CDH12: variants seen among roughly 807,000 people sequenced by gnomAD.
CDH12 encodes cadherin 12, also known as cadherin-12.
A neutral mutation model predicts 74.1 loss-of-function variants in CDH12; 41 were observed. That is an observed-to-expected ratio of 0.55 (90% CI 0.43 to 0.72). CDH12 has a LOEUF of 0.72. Ranked by LOEUF, CDH12 falls within the 30% of genes least tolerant of loss-of-function variation. CDH12 has a pLI of 0.00. For synonymous variants in CDH12, 399 were observed against 355.0 expected, an observed-to-expected ratio of 1.12 and a Z score of -1.39; for missense variants, 945 against 977.2, an observed-to-expected ratio of 0.97 and a Z score of 0.44.
chr5:22,034,142 C>A (rs1449054010), intron 5 of CDH12, among the ~76,000 whole-genome samples: 1 of 152,092 alleles, frequency 6.6e-6, no homozygotes, highest in Non-Finnish European at 1.5e-5. Context: ...CTTCTGGATT[C>A]TCCTGCCTCA....
chr5:22,352,754 C>T (rs1260216527), intron 3 of CDH12, among the ~76,000 whole-genome samples: 1 of 152,124 alleles, frequency 6.6e-6, no homozygotes, highest in African/African-American at 2.4e-5. Flanking sequence ...ATCTGCAGAA[C>T]AATGCGAAAC....
intron 5 of CDH12, among the ~76,000 whole-genome samples, chr5:22,026,825 T>C (rs1738392004): frequency 6.6e-6 from 1 of 152,174 alleles, no homozygotes; most frequent in African/African-American, 2.4e-5. Context: ...GGTCTCACTT[T>C]CAAATTCTTT....
At chr5:22,813,951 A>C (rs2126456246) in intron 1 of CDH12, among the ~76,000 whole-genome samples, 1 of 152,220 alleles carries the variant, frequency 6.6e-6, no homozygotes, top group African/African-American at 2.4e-5. Context: ...ATAACTTTGT[A>C]TTTTTTTAAC....
intron 3 of CDH12, among the ~76,000 whole-genome samples, chr5:22,216,114 G>A (rs1751795059): frequency 6.6e-6 from 1 of 152,006 alleles, no homozygotes; most frequent in African/African-American, 2.4e-5. Flanking sequence ...TCCCCACTAT[G>A]TCGAACAAAT....
chr5:22,767,308 A>G (rs1746567761), intron 1 of CDH12, among the ~76,000 whole-genome samples: 1 of 152,046 alleles, frequency 6.6e-6, no homozygotes, highest in African/African-American at 2.4e-5. Flanking sequence ...ATGTTCTTTA[A>G]TTGGATATAA....
chr5:22,643,767 A>T (rs1580845771), intron 1 of CDH12, among the ~76,000 whole-genome samples: 1 of 108,870 alleles, frequency 9.2e-6, no homozygotes, highest in Non-Finnish European at 1.8e-5. Flanking sequence ...TTTTCCACAA[A>T]TTGATGGTTT....
At chr5:22,452,974 T>C (rs1313658064) in intron 2 of CDH12, among the ~76,000 whole-genome samples, 1 of 146,848 alleles carries the variant, frequency 6.8e-6, no homozygotes, top group East Asian at 2.0e-4. Context: ...CCAAAAGGTA[T>C]GTGAAAATAT....
intron 2 of CDH12, among the ~76,000 whole-genome samples, chr5:22,424,019 A>G (rs986592546): frequency 4.0e-5 from 6 of 149,656 alleles, no homozygotes; most frequent in South Asian, 2.1e-4. Context: ...AAAAAAAAAA[A>G]AAAAAAAAGA....
At chr5:22,290,031 T>A (rs905723493) in intron 3 of CDH12, among the ~76,000 whole-genome samples, 1 of 152,158 alleles carries the variant, frequency 6.6e-6, no homozygotes, top group African/African-American at 2.4e-5. Context: ...ATCTGGAGCA[T>A]CCCAGTGCCA....
At chr5:22,416,566 C>G (rs1028606045) in intron 2 of CDH12, among the ~76,000 whole-genome samples, 2 of 152,046 alleles carry the variant, frequency 1.3e-5, no homozygotes, top group African/African-American at 4.8e-5. Flanking sequence ...AAGATCAAAT[C>G]AAAAGTGTAG....
In CDH12 at chr5:22,602,931, T is replaced by C. The variant is rs188279819; in HGVS notation, c.-522-97567A>G. Among the ~76,000 whole-genome samples the C allele has an allele frequency of 5.9e-5, 9 of 152,308 alleles. No homozygotes were observed. The East Asian group carries it at 1.4e-3, about 23-fold the overall frequency. On this transcript the variant is annotated intron_variant, in intron 1 of 14. Coordinates refer to ENST00000382254, the MANE Select transcript of CDH12 (RefSeq NM_004061.5). Reference sequence around the variant, plus strand: ...TTGGAAAATGGATCTTGTTTGAAGATAATTGACTCTGAGTCTTTCATTGAC... The same window carrying C: ...TTGGAAAATGGATCTTGTTTGAAGACAATTGACTCTGAGTCTTTCATTGAC...
intron 4 of CDH12, among the ~76,000 whole-genome samples, chr5:22,091,581 GC>G (rs1743437379): frequency 6.6e-6 from 1 of 151,842 alleles, no homozygotes; most frequent in African/African-American, 2.4e-5. Flanking sequence ...AAATGAGTGG[GC>G]ATAAAATGTT....
chr5:21,930,422 A>G (rs1408475076), intron 6 of CDH12, among the ~76,000 whole-genome samples: 1 of 152,224 alleles, frequency 6.6e-6, no homozygotes, highest in African/African-American at 2.4e-5. Flanking sequence ...TAGTAATACA[A>G]TATCCATATT....
intron 4 of CDH12, among the ~76,000 whole-genome samples, chr5:22,166,366 A>T (rs994666439): frequency 2.6e-5 from 4 of 152,126 alleles, no homozygotes; most frequent in African/African-American, 9.7e-5. Flanking sequence ...TTTATATTGG[A>T]CATCTGGTCA....
chr5:22,129,469 C>T (rs781421582), intron 4 of CDH12, among the ~76,000 whole-genome samples: 9 of 152,184 alleles, frequency 5.9e-5, no homozygotes, highest in Middle Eastern at 3.4e-3. Context: ...AGGTACAAAA[C>T]GGGCAAGCTC....
intron 1 of CDH12, among the ~76,000 whole-genome samples, chr5:22,823,101 G>C (rs987376070): frequency 1.3e-5 from 2 of 151,962 alleles, no homozygotes; most frequent in Non-Finnish European, 2.9e-5. Context: ...GATGAAATTG[G>C]AAACCATCAT....
intron 1 of CDH12, among the ~76,000 whole-genome samples, chr5:22,651,372 C>A (rs1445631838): frequency 6.6e-6 from 1 of 152,084 alleles, no homozygotes; most frequent in Non-Finnish European, 1.5e-5. Context: ...GCTTAATAGA[C>A]TCACAGTTCA....
intron 5 of CDH12, among the ~76,000 whole-genome samples, chr5:22,012,312 G>C (rs1737347142): frequency 6.6e-6 from 1 of 151,898 alleles, no homozygotes; most frequent in Non-Finnish European, 1.5e-5. Flanking sequence ...ATAAGTGAAA[G>C]AGTTGTTAGA....
intron 2 of CDH12, among the ~76,000 whole-genome samples, chr5:22,457,820 C>T (rs1745344342): frequency 6.6e-6 from 1 of 151,964 alleles, no homozygotes; most frequent in African/African-American, 2.4e-5. Flanking sequence ...TCTCAGCTCA[C>T]TGCAACCTCC....
Sources: allele counts gnomAD v4.1 joint callset (sites outside exome capture counted in the v4.1 genomes callset), GRCh38; gene constraint gnomAD v4.1.1; transcripts MANE v1.5; gene names NCBI Gene and HGNC (gene_info 2026-07-23, HGNC 2026-07-21).